The following MED26 variants were observed in gnomAD, a reference collection of about 807,000 sequenced individuals.
The protein encoded by MED26 is mediator of RNA polymerase II transcription subunit 26.
In MED26, 7 loss-of-function variants were observed where a neutral mutation model predicts 43.7. That is an observed-to-expected ratio of 0.16 (90% CI 0.09 to 0.30). The LOEUF (loss-of-function observed/expected upper bound fraction) is 0.30. Among genes scored for constraint, MED26 ranks in the 10% least tolerant of loss-of-function variants. MED26 has a pLI of 1.00. For synonymous variants in MED26, 375 were observed against 371.1 expected (o/e 1.01, Z -0.12); for missense variants, 784 against 840.6 (o/e 0.93, Z 0.83).
chr19:16,576,914 C>T lies in MED26; in HGVS notation c.916G>A (p.Ala306Thr). The T allele has an allele frequency of 5.6e-6, 9 of 1,599,016 alleles. No homozygotes were observed. Among genetic ancestry groups the T allele is most frequent in the Non-Finnish European group, 6.8e-6 (8 of 1,171,486 alleles). ...GACGGCACCTGTGTGGCATCGAGTG[C>T]CTGGGGCCGCGGTGAGGGGCTGGGC... ...SVPSPSPRPQ[A>T]LDATQVPSPL... Residue 306 changes from alanine (A) to threonine (T), a missense_variant, in exon 3 of 3, where the codon GCA (alanine) becomes ACA (threonine). Physicochemically the swap from Ala to Thr is moderately conservative, Grantham distance 58. Coordinates refer to ENST00000263390, the MANE Select transcript of MED26 (RefSeq NM_004831.5). This position sits in a 1 kb window ranked among gnomAD's most constrained non-coding sequence, Gnocchi z 6.8.
intron 1 of MED26, among the ~76,000 whole-genome samples, chr19:16,612,387 C>T (rs991400630): frequency 1.3e-5 from 2 of 152,154 alleles, no homozygotes; most frequent in South Asian, 2.1e-4. Flanking sequence ...ACAGCTCAAG[C>T]GATCCTCCCA....
At chr19:16,611,821 A>C (rs759052859) in intron 1 of MED26, 2 of 152,096 alleles carry the variant, frequency 1.3e-5, no homozygotes, top group Non-Finnish European at 2.9e-5. Context: ...AATAAACTTC[A>C]TTAAAAAAAA....
chr19:16,575,849 G>T lies in MED26; in HGVS notation c.*178C>A, dbSNP rs573545125. On this transcript the variant is annotated 3_prime_UTR_variant, in exon 3 of 3. Transcript: ENST00000263390. ...AACTGGTAGCAGCATTTCACAAAAA[G>T]AGTTTTGAGGGAAGAGCGCAGAGAG... 3 of 604,332 alleles carry T rather than the reference G, an allele frequency of 5.0e-6. No homozygotes were observed. The highest frequency in any genetic ancestry group is 3.7e-5 in the African/African-American group (2 of 53,998). The allele number at this position is 604,332 out of a possible 1,614,324, so 37.4% of individuals were successfully genotyped here. A position where few individuals can be genotyped will look rare whatever the true frequency, so the allele number is the denominator to read the frequency against.
intron 1 of MED26, among the ~76,000 whole-genome samples, chr19:16,584,941 C>T (rs1479121375): frequency 6.6e-6 from 1 of 152,188 alleles, no homozygotes. Flanking sequence ...ATAGCTGTTT[C>T]CAACTCCTCA....
chr19:16,617,698 C>T (rs1022919858), intron 1 of MED26, among the ~76,000 whole-genome samples: 5 of 152,184 alleles, frequency 3.3e-5, no homozygotes, highest in Admixed American at 6.5e-5. Context: ...GGAGCAAATG[C>T]GGAGGAGCTC....
chr19:16,576,927 T>C lies in MED26; in HGVS notation c.903A>G (p.Ser301=). ...YAPKGSVPSP[S]PRPQALDATQ... is the part of the protein sequence containing the mutation. ...TGGCATCGAGTGCCTGGGGCCGCGG[T>C]GAGGGGCTGGGCACGGAGCCCTTGG... The change falls in exon 3 of 3, where the codon TCA becomes TCG. Residue 301 remains serine (S), a synonymous_variant. Coordinates refer to ENST00000263390, the MANE Select transcript of MED26 (RefSeq NM_004831.5). The surrounding 1 kb of genome is among the most constrained non-coding windows in gnomAD (Gnocchi z 6.8). 2 of 1,596,150 alleles carry C rather than the reference T, an allele frequency of 1.3e-6. No individual in the cohort carries two copies. Among genetic ancestry groups the C allele is most frequent in the East Asian group, 2.2e-5 (1 of 44,610 alleles).
At chr19:16,616,302 G>A (rs2086226046) in intron 1 of MED26, among the ~76,000 whole-genome samples, 2 of 152,322 alleles carry the variant, frequency 1.3e-5, no homozygotes. Context: ...AAGGTTGCAA[G>A]GTGAATGGCA....
At chr19:16,608,318 T>C (rs1250159144) in intron 1 of MED26, among the ~76,000 whole-genome samples, 1 of 152,240 alleles carries the variant, frequency 6.6e-6, no homozygotes, top group Non-Finnish European at 1.5e-5. Flanking sequence ...TTCAGTACTG[T>C]GTACTCAAAA....
At chr19:16,605,127 C>A (rs1429361105) in intron 1 of MED26, among the ~76,000 whole-genome samples, 2 of 152,096 alleles carry the variant, frequency 1.3e-5, no homozygotes, top group African/African-American at 2.4e-5. Flanking sequence ...ACGAATTTGT[C>A]AAAAATGCAT....
intron 1 of MED26, among the ~76,000 whole-genome samples, chr19:16,584,278 C>A (rs2086060047): frequency 6.7e-6 from 1 of 150,010 alleles, no homozygotes; most frequent in Non-Finnish European, 1.5e-5. Flanking sequence ...AAAAAAAAAA[C>A]CGAAACCCAA....
At chr19:16,621,174 A>G (rs2086250009) in intron 1 of MED26, among the ~76,000 whole-genome samples, 3 of 152,240 alleles carry the variant, frequency 2.0e-5, no homozygotes, top group Admixed American at 6.5e-5. Flanking sequence ...CTCTGACATC[A>G]GAACCACCCA....
intron 1 of MED26, among the ~76,000 whole-genome samples, chr19:16,615,270 G>C (rs1397608657): frequency 6.6e-6 from 1 of 152,142 alleles, no homozygotes; most frequent in Non-Finnish European, 1.5e-5. Context: ...GTCAGGAGCT[G>C]ACTGATGAGC....
chr19:16,582,332 C>T (rs180748659), intron 1 of MED26, among the ~76,000 whole-genome samples: 1 of 152,218 alleles, frequency 6.6e-6, no homozygotes, highest in African/African-American at 2.4e-5. Flanking sequence ...AGGAGGCAGA[C>T]ACTGAGCAAT....
intron 1 of MED26, among the ~76,000 whole-genome samples, chr19:16,625,794 G>A (rs2086272134): frequency 6.6e-6 from 1 of 152,162 alleles, no homozygotes; most frequent in African/African-American, 2.4e-5. Flanking sequence ...TTTGCTCAAA[G>A]CAAACGGTCC....
chr19:16,610,445 T>G (rs1474355893), intron 1 of MED26: 1 of 150,152 alleles, frequency 6.7e-6, no homozygotes, highest in Non-Finnish European at 1.5e-5. Flanking sequence ...CAGGCTGGAG[T>G]GCAATGGTGT....
chr19:16,598,873 A>G (rs879692211), intron 1 of MED26, among the ~76,000 whole-genome samples: 33 of 152,204 alleles, frequency 2.2e-4, no homozygotes, highest in African/African-American at 6.3e-4. Context: ...AACCAGGAGA[A>G]TGTTGCTGAA....
At chr19:16,600,169 C>T (rs866052542) in intron 1 of MED26, among the ~76,000 whole-genome samples, 5 of 152,214 alleles carry the variant, frequency 3.3e-5, no homozygotes, top group South Asian at 2.1e-4. Context: ...CTCATCCCCC[C>T]GGGCCCTCCT....
intron 1 of MED26, among the ~76,000 whole-genome samples, chr19:16,597,955 C>T (rs2122415363): frequency 6.6e-6 from 1 of 151,994 alleles, no homozygotes; most frequent in Non-Finnish European, 1.5e-5. Flanking sequence ...GAACTCCTGA[C>T]CTCAGATGAT....
intron 1 of MED26, among the ~76,000 whole-genome samples, chr19:16,590,840 C>A (rs768290731): frequency 1.3e-5 from 2 of 151,916 alleles, no homozygotes; most frequent in Non-Finnish European, 2.9e-5. Context: ...GAGTTTGAGA[C>A]CAGCCTGGGC....
Sources: gnomAD v4.1 joint callset for allele counts (sites outside exome capture counted in the v4.1 genomes callset) on GRCh38, gnomAD v4.1.1 for gene constraint, Gnocchi (gnomAD v3.1) non-coding constraint, MANE v1.5 for transcripts, NCBI Gene and HGNC (gene_info 2026-07-23, HGNC 2026-07-21) for gene names.